Variants in ANKMY2 observed in about 807,000 individuals in gnomAD.
ANKMY2 encodes ankyrin repeat and MYND domain-containing protein 2.
In ANKMY2, 36 loss-of-function variants were observed where a neutral mutation model predicts 50.4. The ratio of observed to expected loss-of-function variants is 0.71; its 90% CI spans 0.55 to 0.94. The LOEUF (loss-of-function observed/expected upper bound fraction) is 0.94, where lower values mean the gene tolerates loss of function less well. Among genes scored for constraint, ANKMY2 ranks in the 40% least tolerant of loss-of-function variants. The pLI, the probability that ANKMY2 is intolerant of heterozygous loss-of-function variation, is 0.00. For synonymous variants in ANKMY2, 187 were observed against 178.8 expected, an observed-to-expected ratio of 1.05 and a Z score of -0.36; for missense variants, 565 against 524.0, an observed-to-expected ratio of 1.08 and a Z score of -0.76.
chr7:16,645,471 G>A (rs1781823868), intron 1 of ANKMY2, 36 bp downstream of exon 1: 1 of 1,579,934 alleles, frequency 6.3e-7, no homozygotes, highest in Admixed American at 1.9e-5. Context: ...CCCCGGCCAG[G>A]CTGGCCGCGG....
Position 16,614,845 on chromosome 7 carries a change from G to A in ANKMY2, c.531+899C>T, listed in dbSNP as rs182556831. Among the ~76,000 whole-genome samples, 540 of 152,320 alleles carry A rather than the reference G, an allele frequency of 3.5e-3. 1 individual carries two copies. Among genetic ancestry groups the A allele is most frequent in the Non-Finnish European group, 6.5e-3 (444 of 68,034 alleles). On this transcript the variant is annotated intron_variant, in intron 5 of 9. Transcript: ENST00000306999. The stretch of plus-strand genomic sequence containing the variant: ...CTGAACTACTATCAAATCTTTATGA[G>A]TAAAAGCATGTGATAGATACTGAAA...
chr7:16,601,001 C>A, intron 9 of ANKMY2, 56 bp from the exon 10 acceptor site: 2 of 1,346,446 alleles, frequency 1.5e-6, no homozygotes, highest in South Asian at 3.0e-5. Flanking sequence ...ACACTCTTCT[C>A]AATGCTTTAC....
At position 16,645,498 on chromosome 7, in the gene ANKMY2, C is replaced by T; in HGVS notation, c.67+9G>A. The T allele has an allele frequency of 1.2e-6, 2 of 1,609,440 alleles. No homozygotes were observed. Among genetic ancestry groups the T allele is most frequent in the Non-Finnish European group, 1.7e-6 (2 of 1,177,978 alleles). ...TGGCCGCGGCCGCGTCGCAGCCCAG[C>T]ACCCGTACCTTTCCCGATGACTTCC... On this transcript the variant is annotated intron_variant, in intron 1 of 9. Transcript: ENST00000306999.
At chr7:16,644,625 C>A (rs1303315729) in intron 1 of ANKMY2, 2 of 455,866 alleles carry the variant, frequency 4.4e-6, no homozygotes, top group Non-Finnish European at 4.5e-6. Context: ...CGGAGTCGCA[C>A]GCATCACCAT....
chr7:16,620,936 T>C (rs1482028553), intron 4 of ANKMY2, among the ~76,000 whole-genome samples: 1 of 152,122 alleles, frequency 6.6e-6, no homozygotes, highest in African/African-American at 2.4e-5. Context: ...AAGAGTGACA[T>C]TATACAATGA....
chr7:16,641,298 C>T (rs938347587), intron 1 of ANKMY2, among the ~76,000 whole-genome samples: 2 of 152,030 alleles, frequency 1.3e-5, no homozygotes, highest in Non-Finnish European at 2.9e-5. Flanking sequence ...ATTTTGAAAT[C>T]GTGAATTTGT....
At chr7:16,613,298 G>A (rs28498382) in intron 5 of ANKMY2, among the ~76,000 whole-genome samples, 2 of 151,922 alleles carry the variant, frequency 1.3e-5, no homozygotes, top group African/African-American at 4.8e-5. Context: ...AATTTCCGAG[G>A]TTGTTTTAAA....
intron 4 of ANKMY2, among the ~76,000 whole-genome samples, chr7:16,617,703 T>C (rs1013179074): frequency 1.3e-5 from 2 of 152,132 alleles, no homozygotes; most frequent in Non-Finnish European, 2.9e-5. Flanking sequence ...TGGTGGCTCA[T>C]GCCTATAATC....
At chr7:16,639,080 C>T (rs1440491359) in intron 1 of ANKMY2, among the ~76,000 whole-genome samples, 1 of 152,148 alleles carries the variant, frequency 6.6e-6, no homozygotes, top group East Asian at 1.9e-4. Context: ...ATGAGCAAAA[C>T]ACTCCAAGAG....
chr7:16,616,570 G>A (rs1420501533), intron 4 of ANKMY2, among the ~76,000 whole-genome samples: 15 of 100,786 alleles, frequency 1.5e-4, no homozygotes, highest in Non-Finnish European at 2.3e-4. Flanking sequence ...TGCTCCTGCG[G>A]CGCCCCCCCC....
chr7:16,615,952 C>G, intron 4 of ANKMY2, 48 bp from the exon 5 acceptor site: 1 of 1,526,588 alleles, frequency 6.6e-7, no homozygotes, highest in Non-Finnish European at 8.9e-7. Flanking sequence ...TTAAAAATAA[C>G]ACATCTGGTT....
chr7:16,633,187 A>G (rs1392292921), intron 2 of ANKMY2, among the ~76,000 whole-genome samples: 1 of 149,446 alleles, frequency 6.7e-6, no homozygotes, highest in African/African-American at 2.5e-5. Flanking sequence ...TTTTTCTCCC[A>G]TTTTGTAGAC....
intron 4 of ANKMY2, among the ~76,000 whole-genome samples, chr7:16,620,376 G>C (rs767301270): frequency 3.9e-5 from 6 of 151,906 alleles, no homozygotes; most frequent in Non-Finnish European, 8.8e-5. Context: ...CACAGCTACA[G>C]GTATGATTGG....
intron 8 of ANKMY2, among the ~76,000 whole-genome samples, chr7:16,604,064 G>T (rs1781115635): frequency 6.6e-6 from 1 of 152,186 alleles, no homozygotes; most frequent in South Asian, 2.1e-4. Flanking sequence ...TGAAGAAGTA[G>T]GTCACAGCAG....
intron 2 of ANKMY2, among the ~76,000 whole-genome samples, chr7:16,632,763 A>C (rs1170489260): frequency 6.6e-6 from 1 of 152,194 alleles, no homozygotes; most frequent in African/African-American, 2.4e-5. Flanking sequence ...ATTTCTCTTA[A>C]GTATATATAT....
chr7:16,626,389 T>G (rs949361740), intron 3 of ANKMY2, among the ~76,000 whole-genome samples: 3 of 152,308 alleles, frequency 2.0e-5, no homozygotes, highest in South Asian at 4.1e-4. Context: ...CAAATGAAAA[T>G]GTTAAATTTT....
intron 1 of ANKMY2, among the ~76,000 whole-genome samples, chr7:16,642,726 G>A (rs1439132010): frequency 2.0e-5 from 3 of 151,160 alleles, no homozygotes; most frequent in African/African-American, 4.9e-5. Flanking sequence ...CTTTGCTTAT[G>A]GCCTTTCTTC....
intron 2 of ANKMY2, among the ~76,000 whole-genome samples, chr7:16,633,316 TTC>T (rs528779841): frequency 1.6e-4 from 24 of 152,206 alleles, no homozygotes; most frequent in Non-Finnish European, 2.4e-4. Flanking sequence ...AATTTTTTAT[TTC>T]TGTTTTTTCT....
intron 1 of ANKMY2, among the ~76,000 whole-genome samples, chr7:16,638,386 A>G (rs1332046124): frequency 1.3e-5 from 2 of 152,212 alleles, no homozygotes; most frequent in African/African-American, 4.8e-5. Context: ...TCAGGGAAAC[A>G]CTACTTACAT....
Sources: allele counts gnomAD v4.1 joint callset (sites outside exome capture counted in the v4.1 genomes callset), GRCh38; gene constraint gnomAD v4.1.1; transcripts MANE v1.5; gene names NCBI Gene and HGNC (gene_info 2026-07-23, HGNC 2026-07-21).